KISS1: variants seen among roughly 807,000 people sequenced by gnomAD.
KISS1 encodes the protein metastasis-suppressor KiSS-1.
For missense variants in KISS1, 182 were observed against 182.7 expected (o/e 1.00, Z 0.02); for synonymous variants, 97 against 88.7 (o/e 1.09, Z -0.52).
intron 1 of KISS1, among the ~76,000 whole-genome samples, chr1:204,193,930 C>T (rs1298327774): frequency 6.6e-6 from 1 of 152,200 alleles, no homozygotes; most frequent in Admixed American, 6.5e-5. Context: ...GAGGCAGGAG[C>T]AATGCCAGCT....
chr1:204,191,213 T>A (rs1209214860), intron 2 of KISS1, among the ~76,000 whole-genome samples: 1 of 152,172 alleles, frequency 6.6e-6, no homozygotes, highest in Non-Finnish European at 1.5e-5. Flanking sequence ...TTGCTCATAG[T>A]GGGGCCTCAA....
chr1:204,195,348 AC>A (rs2102331233), intron 1 of KISS1, among the ~76,000 whole-genome samples: 1 of 145,476 alleles, frequency 6.9e-6, no homozygotes, highest in Admixed American at 6.9e-5. Context: ...ACGCATACAC[AC>A]CACACACATA....
chr1:204,191,191 T>G (rs565195017), intron 2 of KISS1, among the ~76,000 whole-genome samples: 4 of 152,164 alleles, frequency 2.6e-5, no homozygotes. Context: ...TCATAGTGCT[T>G]GAAACAGTGG....
At chr1:204,195,064 C>T (rs1002030814) in intron 1 of KISS1, among the ~76,000 whole-genome samples, 4 of 151,686 alleles carry the variant, frequency 2.6e-5, no homozygotes, top group African/African-American at 4.9e-5. Flanking sequence ...CCTTTCCCCC[C>T]GAGTGCCTCC....
rs1558253003 is a variant in KISS1, at chr1:204,190,411, CCCG to C, written c.*70_*72del. 3.7e-6 allele frequency: 2 copies of C among 537,172 alleles called. No homozygotes were observed. The highest frequency in any genetic ancestry group is 2.8e-5 in the African/African-American group (1 of 35,118). 33.3% of individuals were successfully genotyped at this position (537,172 alleles called of 1,614,324 possible). ...GCGCCCCCTCCCTTAGCCCTACGTC[CCCG>C]CCCCCCGCCCCCGCCCCGCATGCTC... On this transcript the variant is annotated 3_prime_UTR_variant, in exon 3 of 3. Coordinates refer to ENST00000367194, the MANE Select transcript of KISS1 (RefSeq NM_002256.4).
rs1292508606 is a variant in KISS1, at chr1:204,192,837, A to G, written c.40T>C (p.Cys14Arg). The change falls in exon 2 of 3, where the codon TGT becomes CGT. Residue 14 changes from cysteine to arginine, a missense_variant. Cys to Arg is a radical substitution (Grantham distance 180, BLOSUM62 -3). Transcript: ENST00000367194. The surrounding 1 kb of genome is among the most constrained non-coding windows in gnomAD (Gnocchi z 4.2). ...LVSWQLLLFLCATHFGEPLEK... is the reference protein window; with the variant it reads ...LVSWQLLLFLRATHFGEPLEK... ...AATGGCTCCCCAAAGTGGGTGGCAC[A>G]GAGGAAAAGCAGTAGCTGCCAAGAA... 2 of 1,598,336 alleles carry G rather than the reference A, an allele frequency of 1.3e-6. No individual in the cohort carries two copies. Among genetic ancestry groups the G allele is most frequent in the Non-Finnish European group, 1.7e-6 (2 of 1,170,894 alleles).
intron 1 of KISS1, among the ~76,000 whole-genome samples, chr1:204,194,634 C>T (rs963554766): frequency 6.6e-6 from 1 of 152,180 alleles, no homozygotes; most frequent in African/African-American, 2.4e-5. Flanking sequence ...AAATGACATA[C>T]CGGATGCATG....
In KISS1 at chr1:204,190,562, G is replaced by C. The variant is rs587777835; in HGVS notation, c.339C>G (p.Asn113Lys). ...CGAAGCGCAGGCCGAAGGAGTTCCA[G>C]TTGTAGTTCGGCAGGTCCTTCTCCC... ...VQREKDLPNY[N>K]WNSFGLRFGK... The change falls in exon 3 of 3, where the codon AAC becomes AAG. Residue 113 changes from asparagine (N) to lysine (K), a missense_variant. Coordinates refer to ENST00000367194, the MANE Select transcript of KISS1 (RefSeq NM_002256.4). 3.7e-6 allele frequency: 6 copies of C among 1,607,994 alleles called. No homozygotes were observed. Among genetic ancestry groups the C allele is most frequent in the Non-Finnish European group, 5.1e-6 (6 of 1,177,834 alleles).
rs529602694 is a variant in KISS1 at position 204,194,419 on chromosome 1, AG to A, written c.-38-1506del. Among the ~76,000 whole-genome samples the A allele has an allele frequency of 2.6e-4, 40 of 152,224 alleles. 1 individual carries two copies. The South Asian group carries it at 4.1e-3, about 16-fold the overall frequency. ...AGTAGAGGTAGGATTAATCCATTGG[AG>A]AGAATAGTGTAAAAGCATTTCAGAC... On this transcript the variant is annotated intron_variant, in intron 1 of 2. Transcript: ENST00000367194.
chr1:204,194,094 C>A (rs1200172926), intron 1 of KISS1, among the ~76,000 whole-genome samples: 1 of 152,178 alleles, frequency 6.6e-6, no homozygotes, highest in Non-Finnish European at 1.5e-5. Flanking sequence ...CCCCACCCCC[C>A]ATTCCTCACC....
Position 204,190,728 on chromosome 1 carries a change from G to C in KISS1, c.173C>G (p.Pro58Arg). The C allele has an allele frequency of 6.2e-7, 1 of 1,610,110 alleles. No individual in the cohort carries two copies. Among genetic ancestry groups the C allele is most frequent in the South Asian group, 1.1e-5 (1 of 90,268 alleles). ...ACGGCTCAGCCTGGCAGTAGCAGCT[G>C]GCTTCCTCTCGGTGCACGGCAGGCT... ...EQSLPCTERK[P>R]AATARLSRRG... Residue 58 changes from proline (P) to arginine (R), a missense_variant, in exon 3 of 3, where the codon CCA becomes CGA. By Grantham distance (103) the Pro-to-Arg change is moderately radical. Coordinates refer to ENST00000367194, the MANE Select transcript of KISS1 (RefSeq NM_002256.4).
chr1:204,190,426 C>CCCCCCCCCT lies in KISS1; in HGVS notation c.*57_*58insAGGGGGGGG. ...GCCCTACGTCCCCGCCCCCCGCCCC[C>CCCCCCCCCT]GCCCCGCATGCTCTGACTCCTTTGG... On this transcript the variant is annotated 3_prime_UTR_variant, in exon 3 of 3. Coordinates refer to ENST00000367194, the MANE Select transcript of KISS1 (RefSeq NM_002256.4). The CCCCCCCCCT allele has an allele frequency of 2.1e-6, 2 of 950,718 alleles. No individual in the cohort carries two copies. Among genetic ancestry groups the CCCCCCCCCT allele is most frequent in the South Asian group, 1.4e-5 (1 of 72,320 alleles). 58.9% of individuals were successfully genotyped at this position (950,718 alleles called of 1,614,324 possible).
chr1:204,192,713 A>G lies in KISS1; in HGVS notation c.103+61T>C. ...CAGTCGACTAGATGGAAAATACGGG[A>G]AAGCTCATTTTGCAACAACCCACTT... On this transcript the variant is annotated intron_variant, in intron 2 of 2. Transcript: ENST00000367194. The surrounding 1 kb of genome is among the most constrained non-coding windows in gnomAD (Gnocchi z 4.2). The G allele has an allele frequency of 3.0e-6, 3 of 1,006,766 alleles. No individual in the cohort carries two copies. Among genetic ancestry groups the G allele is most frequent in the Non-Finnish European group, 4.6e-6 (3 of 647,436 alleles). 62.4% of individuals were successfully genotyped at this position (1,006,766 alleles called of 1,614,324 possible).
intron 1 of KISS1, among the ~76,000 whole-genome samples, chr1:204,195,248 T>C (rs55945360): frequency 5.6e-3 from 9 of 1,602 alleles, no homozygotes; most frequent in South Asian, 0.02. Flanking sequence ...CATACACCCA[T>C]ACACACACAT....
chr1:204,191,602 T>A, intron 2 of KISS1, among the ~76,000 whole-genome samples: 1 of 152,270 alleles, frequency 6.6e-6, no homozygotes, highest in Non-Finnish European at 1.5e-5. Flanking sequence ...AAGAGATTAG[T>A]GGAAATGAGG....
At chr1:204,195,249 A>ATATACG (rs1658825218) in intron 1 of KISS1, among the ~76,000 whole-genome samples, 17 of 9,620 alleles carry the variant, frequency 1.8e-3, no homozygotes, top group East Asian at 3.8e-3. Context: ...ATACACCCAT[A>ATATACG]CACACACATC....
Position 204,190,606 on chromosome 1 carries a change from C to T in KISS1, c.295G>A (p.Gly99Ser), listed in dbSNP as rs1410050679. ...TTCTCCCGCTGCACCAGCACCGCGC[C>T]CTGGGGTGCGGGGATCTGGCGGCTG... ...PHSRQIPAPQ[G>S]AVLVQREKDL... The change falls in exon 3 of 3, where the codon GGC becomes AGC. Residue 99 changes from glycine (G) to serine (S), a missense_variant. Transcript: ENST00000367194. The T allele has an allele frequency of 6.3e-7, 1 of 1,592,744 alleles. No individual in the cohort carries two copies.
chr1:204,196,296 C>A (rs1009893997), intron 1 of KISS1, 80 bp downstream of exon 1: 3 of 152,412 alleles, frequency 2.0e-5, no homozygotes, highest in Non-Finnish European at 4.4e-5. Context: ...CGTCTTAGAA[C>A]GGATTCCCTG....
chr1:204,193,386 G>T (rs60849196), intron 1 of KISS1, among the ~76,000 whole-genome samples: 8,566 of 152,110 alleles, frequency 0.056, 775 homozygotes, highest in African/African-American at 0.19. Context: ...ATATTCTCTC[G>T]GGAGCCTGGC....
Sources: allele counts gnomAD v4.1 joint callset (sites outside exome capture counted in the v4.1 genomes callset), GRCh38; gene constraint gnomAD v4.1.1; non-coding constraint Gnocchi (gnomAD v3.1); transcripts MANE v1.5; gene names NCBI Gene and HGNC (gene_info 2026-07-23, HGNC 2026-07-21).